Variants in NEGR1 observed in about 807,000 individuals in gnomAD.
NEGR1 encodes neuronal growth regulator 1.
A neutral mutation model predicts 40.9 loss-of-function variants in NEGR1; 10 were observed. The observed-to-expected ratio is 0.24, with a 90% CI of 0.15 to 0.42. The LOEUF (loss-of-function observed/expected upper bound fraction) is 0.42. Among genes scored for constraint, NEGR1 ranks in the 10% least tolerant of loss-of-function variants. The pLI is 1.00. For missense variants in NEGR1, 352 were observed against 438.9 expected, an observed-to-expected ratio of 0.80 and a Z score of 1.77; for synonymous variants, 185 against 166.8, an observed-to-expected ratio of 1.11 and a Z score of -0.84.
At chr1:72,132,370 TC>T (rs1650292833) in intron 1 of NEGR1, among the ~76,000 whole-genome samples, 1 of 152,166 alleles carries the variant, frequency 6.6e-6, no homozygotes, top group African/African-American at 2.4e-5. Context: ...AAGGATATCT[TC>T]TAACAAGTTC....
chr1:72,253,476 A>G (rs1294285942), intron 1 of NEGR1, among the ~76,000 whole-genome samples: 3 of 152,164 alleles, frequency 2.0e-5, no homozygotes, highest in South Asian at 2.1e-4. Context: ...TTGCTTCAAT[A>G]TATTATTATT....
At chr1:72,010,162 CT>C (rs1409211912) in intron 1 of NEGR1, among the ~76,000 whole-genome samples, 2 of 151,958 alleles carry the variant, frequency 1.3e-5, no homozygotes, top group Admixed American at 1.3e-4. Context: ...GTTTGGTTTT[CT>C]TTTTTTCTGT....
At chr1:71,677,720 T>G (rs1320606747) in intron 4 of NEGR1, among the ~76,000 whole-genome samples, 4 of 152,170 alleles carry the variant, frequency 2.6e-5, no homozygotes, top group Admixed American at 6.6e-5. Flanking sequence ...ACGCTGATTC[T>G]GGGGTTTAGT....
intron 1 of NEGR1, among the ~76,000 whole-genome samples, chr1:72,106,682 T>C (rs1649145905): frequency 6.6e-6 from 1 of 151,940 alleles, no homozygotes; most frequent in Non-Finnish European, 1.5e-5. Context: ...ACAATACATC[T>C]AGAATAAGAA....
At chr1:71,756,484 A>G (rs1382337799) in intron 3 of NEGR1, among the ~76,000 whole-genome samples, 1 of 151,904 alleles carries the variant, frequency 6.6e-6, no homozygotes. Context: ...AAGCCATTTT[A>G]TCTCTACAGA....
At chr1:72,044,332 A>C (rs1646982200) in intron 1 of NEGR1, among the ~76,000 whole-genome samples, 1 of 144,096 alleles carries the variant, frequency 6.9e-6, no homozygotes, top group Non-Finnish European at 1.5e-5. Context: ...GTCTAAGTTA[A>C]AAAAAAAAAA....
At chr1:71,663,553 G>A (rs969573722) in intron 4 of NEGR1, among the ~76,000 whole-genome samples, 1 of 152,094 alleles carries the variant, frequency 6.6e-6, no homozygotes, top group African/African-American at 2.4e-5. Context: ...AAAGTCTACT[G>A]GAATCCCATT....
intron 1 of NEGR1, among the ~76,000 whole-genome samples, chr1:72,052,962 A>G (rs971369222): frequency 6.6e-6 from 1 of 151,470 alleles, no homozygotes; most frequent in Non-Finnish European, 1.5e-5. Flanking sequence ...TGATTTTCCA[A>G]GCCTGAGTCA....
chr1:72,247,635 CA>C (rs1343831894), intron 1 of NEGR1, among the ~76,000 whole-genome samples: 1 of 152,188 alleles, frequency 6.6e-6, no homozygotes, highest in East Asian at 1.9e-4. Context: ...TTTCTATCAG[CA>C]TTTTGGTCAT....
chr1:71,576,808 C>A (rs1318512413), intron 6 of NEGR1, among the ~76,000 whole-genome samples: 1 of 152,184 alleles, frequency 6.6e-6, no homozygotes, highest in Non-Finnish European at 1.5e-5. Context: ...TTTTCCTTCC[C>A]TCTTTTCTTC....
chr1:71,899,166 A>G (rs918713181), intron 2 of NEGR1, among the ~76,000 whole-genome samples: 3 of 150,416 alleles, frequency 2.0e-5, no homozygotes, highest in African/African-American at 7.4e-5. Context: ...TGTCCCCTCC[A>G]CTGATGCCTG....
chr1:72,269,195 A>G (rs956957252), intron 1 of NEGR1, among the ~76,000 whole-genome samples: 1 of 151,664 alleles, frequency 6.6e-6, no homozygotes, highest in South Asian at 2.1e-4. Context: ...TTAAGACTCT[A>G]TAACTTACTA....
At chr1:71,877,237 T>C (rs906165059) in intron 2 of NEGR1, among the ~76,000 whole-genome samples, 4 of 152,130 alleles carry the variant, frequency 2.6e-5, no homozygotes, top group Non-Finnish European at 5.9e-5. Flanking sequence ...GAACTAGTCA[T>C]GTATGGCCTT....
chr1:71,778,354 C>A (rs1237129278), intron 2 of NEGR1, among the ~76,000 whole-genome samples: 8 of 151,990 alleles, frequency 5.3e-5, no homozygotes, highest in Non-Finnish European at 7.4e-5. Context: ...ATTTGATAAT[C>A]TACATGAAAT....
chr1:71,530,431 T>C (rs1647317205), intron 6 of NEGR1, among the ~76,000 whole-genome samples: 1 of 151,300 alleles, frequency 6.6e-6, no homozygotes, highest in Non-Finnish European at 1.5e-5. Flanking sequence ...AGCTTTTGTT[T>C]ATCATTTATA....
chr1:71,660,916 G>A (rs1652033605), intron 4 of NEGR1, among the ~76,000 whole-genome samples: 1 of 152,046 alleles, frequency 6.6e-6, no homozygotes, highest in Non-Finnish European at 1.5e-5. Context: ...TGATCTCATT[G>A]TTCAACTTCC....
At chr1:72,090,082 T>C (rs560872867) in intron 1 of NEGR1, among the ~76,000 whole-genome samples, 5 of 152,190 alleles carry the variant, frequency 3.3e-5, no homozygotes, top group Non-Finnish European at 5.9e-5. Context: ...TTCTGATTGC[T>C]CCAAATAACT....
At position 72,274,588 on chromosome 1, in the gene NEGR1, G is replaced by C. The variant is rs533093155; in HGVS notation, c.176+7731C>G. Reference sequence around the variant, plus strand: ...CAGTGAGTCTTTGGCAAGATATGGCGAAAGCCCATACCTTTAACCACTCTA... The same window carrying C: ...CAGTGAGTCTTTGGCAAGATATGGCCAAAGCCCATACCTTTAACCACTCTA... On this transcript the variant is annotated intron_variant, in intron 1 of 6. Coordinates refer to ENST00000357731, the MANE Select transcript of NEGR1 (RefSeq NM_173808.3). The C allele has an allele frequency of 1.2e-3, 919 of 777,106 alleles. 2 individuals carry two copies. The highest frequency in any genetic ancestry group is 1.9e-3 in the Non-Finnish European group (816 of 420,374). The allele number at this position is 777,106 out of a possible 1,614,324, so 48.1% of individuals were successfully genotyped here. A position where few individuals can be genotyped will look rare whatever the true frequency, so the allele number is the denominator to read the frequency against.
chr1:71,646,317 A>G (rs919299801), intron 4 of NEGR1, among the ~76,000 whole-genome samples: 4 of 151,802 alleles, frequency 2.6e-5, no homozygotes, highest in African/African-American at 9.7e-5. Flanking sequence ...GGAATAGTGC[A>G]TATAAATTAG....
Sources: gnomAD v4.1 joint callset for allele counts (sites outside exome capture counted in the v4.1 genomes callset) on GRCh38, gnomAD v4.1.1 for gene constraint, MANE v1.5 for transcripts, NCBI Gene and HGNC (gene_info 2026-07-23, HGNC 2026-07-21) for gene names.